SRRM2: variants seen among roughly 807,000 people sequenced by gnomAD.
The protein encoded by SRRM2 is serine/arginine repetitive matrix 2.
Under a neutral mutation model 213.8 loss-of-function variants are expected in SRRM2, and 30 were observed. That is an observed-to-expected ratio of 0.14 (90% confidence interval 0.10 to 0.19). SRRM2 has a LOEUF of 0.19. SRRM2 is among the 10% of genes least tolerant of loss of function. The pLI, the probability that SRRM2 is intolerant of heterozygous loss-of-function variation, is 1.00. For missense variants in SRRM2, 4,904 were observed against 3,647.0 expected, an observed-to-expected ratio of 1.34 and a Z score of -8.88; for synonymous variants, 2,025 against 1,377.7, an observed-to-expected ratio of 1.47 and a Z score of -10.40.
Position 2,761,705 on chromosome 16 carries a change from C to A in SRRM2, c.1177C>A (p.Pro393Thr). The A allele has an allele frequency of 6.2e-7, 1 of 1,605,288 alleles. No homozygotes were observed. Reference protein sequence around the residue: ...TTPLSQEPVNPPSEASPTRDR... With the variant: ...TTPLSQEPVNTPSEASPTRDR... ...CCCCTTAAGCCAGGAGCCAGTGAAC[C>A]CCCCATCTGAGGCCTCTCCAACTCG... is the stretch of plus-strand genomic sequence containing the variant. Residue 393 changes from proline (P) to threonine (T), a missense_variant, in exon 11 of 15, where the codon CCC becomes ACC. Physicochemically the swap from Pro to Thr is conservative, Grantham distance 38. Transcript: ENST00000301740.
In SRRM2 at chr16:2,770,344, T is replaced by C. The variant is rs745581337; in HGVS notation, c.8022-8T>C. 6.3e-6 allele frequency: 10 copies of C among 1,577,664 alleles called. No homozygotes were observed. Among genetic ancestry groups the C allele is most frequent in the South Asian group, 1.2e-5 (1 of 86,150 alleles). On this transcript the variant is annotated splice_region_variant and splice_polypyrimidine_tract_variant and intron_variant, in intron 12 of 14. Transcript: ENST00000301740. ...TGTGGTGCTATTGGGTCCTACTGTGTTCCCCAGGTCCCGCAGCCCCCGGAA... is the reference window on the plus strand; with the variant it reads ...TGTGGTGCTATTGGGTCCTACTGTGCTCCCCAGGTCCCGCAGCCCCCGGAA...
chr16:2,766,175 A>G lies in SRRM2; in HGVS notation c.5647A>G (p.Ile1883Val), dbSNP rs1254901080. 2 of 1,614,128 alleles carry G rather than the reference A, an allele frequency of 1.2e-6. No individual in the cohort carries two copies. The highest frequency in any genetic ancestry group is 1.7e-6 in the Non-Finnish European group (2 of 1,180,024). ...HRRSRSRTPL[I>V]SRRRSRSRTS... ...GCGATCCAGGTCCAGAACCCCCCTG[A>G]TAAGCCGACGTAGGTCCAGATCTCG... Residue 1883 changes from isoleucine to valine, a missense_variant, in exon 11 of 15, where the codon ATA (isoleucine) becomes GTA (valine). Ile to Val is a conservative substitution (Grantham distance 29). Transcript: ENST00000301740. The surrounding 1 kb of genome is among the most constrained non-coding windows in gnomAD (Gnocchi z 7.0).
At chr16:2,756,703 C>T (rs1329848147) in intron 2 of SRRM2, 97 bp downstream of exon 2, 1 of 1,488,574 alleles carries the variant, frequency 6.7e-7, no homozygotes, top group East Asian at 2.3e-5. Flanking sequence ...TGAAAGAGGC[C>T]TGGCAAAGAG....
chr16:2,768,914 C>G (rs769414446), intron 11 of SRRM2, 83 bp from the exon 12 acceptor site: 4 of 1,584,630 alleles, frequency 2.5e-6, no homozygotes, highest in African/African-American at 2.7e-5. Flanking sequence ...ACCCCTCCCC[C>G]CACTGCCGTT....
In SRRM2 at chr16:2,765,554, C is replaced by A; in HGVS notation, c.5026C>A (p.Pro1676Thr). Residue 1676 changes from proline to threonine, a missense_variant, in exon 11 of 15, where the codon CCA becomes ACA. By Grantham distance (38) the Pro-to-Thr change is conservative. Coordinates refer to ENST00000301740, the MANE Select transcript of SRRM2 (RefSeq NM_016333.4). ...TGCTCGCAGAGGTTCCAGGTCATCA[C>A]CAGAGCCCAAGACCAAGTCTCGTAC... ...RTARRGSRSS[P>T]EPKTKSRTPP... 1 of 1,614,230 alleles carries A rather than the reference C, an allele frequency of 6.2e-7. No homozygotes were observed. Among genetic ancestry groups the A allele is most frequent in the Non-Finnish European group, 8.5e-7 (1 of 1,180,036 alleles).
rs1258149760 is a variant in SRRM2 at position 2,761,656 on chromosome 16, C to A, written c.1128C>A (p.Gly376=). Residue 376 remains glycine, a synonymous_variant, in exon 11 of 15, where the codon GGC becomes GGA. Coordinates refer to ENST00000301740, the MANE Select transcript of SRRM2 (RefSeq NM_016333.4). ...CGCTCCTTGCTGAGCGACATGGCGG[C>A]TCCCCACAACCCCTTGCAACCACCC... ...PTPLLAERHG[G]SPQPLATTPL... 1.9e-6 allele frequency: 3 copies of A among 1,587,208 alleles called. No homozygotes were observed. The highest frequency in any genetic ancestry group is 2.3e-5 in the South Asian group (2 of 86,622).
In SRRM2 at chr16:2,764,380, T is replaced by C. The variant is rs555656738; in HGVS notation, c.3852T>C (p.Leu1284=). 6 of 1,614,120 alleles carry C rather than the reference T, an allele frequency of 3.7e-6. No homozygotes were observed. The Admixed American group carries it at 1.0e-4, about 27-fold the overall frequency. ...AAAGGCCTGCTGTGTCTTTGACTCT[T>C]GATCAGAGCCAGTCACAGGCTTCTT... is the stretch of plus-strand genomic sequence containing the variant. The part of the protein sequence containing the change: ...VEERPAVSLT[L]DQSQSQASLE... Residue 1284 remains leucine, a synonymous_variant, in exon 11 of 15, where the codon CTT becomes CTC. Coordinates refer to ENST00000301740, the MANE Select transcript of SRRM2 (RefSeq NM_016333.4).
chr16:2,757,728 A>G, intron 3 of SRRM2, 53 bp from the exon 4 acceptor site: 2 of 1,602,282 alleles, frequency 1.2e-6, no homozygotes, highest in East Asian at 2.2e-5. Context: ...TGTGTTCTGA[A>G]TATGGCTCTG....
chr16:2,765,933 A>G lies in SRRM2; in HGVS notation c.5405A>G (p.Gln1802Arg), dbSNP rs1310818961. Residue 1802 changes from glutamine (Q) to arginine (R), a missense_variant, in exon 11 of 15, where the codon CAG (glutamine) becomes CGG (arginine). Gln to Arg is a conservative substitution (Grantham distance 43). Transcript: ENST00000301740. ...TCTCAGTCAACCTCTCGGCGAAGAC[A>G]GCGGAGCCGGTCAAGGTCGCGGGTT... ...GSSQSTSRRRQRSRSRSRVTR... is the reference protein window; with the variant it reads ...GSSQSTSRRRRRSRSRSRVTR... 1 of 1,614,080 alleles carries G rather than the reference A, an allele frequency of 6.2e-7. No individual in the cohort carries two copies. The highest frequency in any genetic ancestry group is 8.5e-7 in the Non-Finnish European group (1 of 1,180,032).
In SRRM2 at chr16:2,752,761, C is replaced by T. The variant is rs1488587527; in HGVS notation, c.-117C>T. ...CGGGCGGACCGGCGAGGCGAGGCGG[C>T]GGCCCCAGGCCCGAGGGACTCGGGA... On this transcript the variant is annotated 5_prime_UTR_variant, in exon 1 of 15. Transcript: ENST00000301740. 1.1e-5 allele frequency: 4 copies of T among 360,784 alleles called. No individual in the cohort carries two copies. The highest frequency in any genetic ancestry group is 3.7e-5 in the South Asian group (2 of 53,968). The allele number at this position is 360,784 out of a possible 1,614,324, so 22.3% of individuals were successfully genotyped here. A position where few individuals can be genotyped will look rare whatever the true frequency, so the allele number is the denominator to read the frequency against.
chr16:2,768,877 G>T (rs554623133), intron 11 of SRRM2, 120 bp from the exon 12 acceptor site: 8 of 1,546,336 alleles, frequency 5.2e-6, no homozygotes, highest in Non-Finnish European at 7.0e-6. Context: ...CACGTGGCTC[G>T]GAGAGCTCCC....
At position 2,766,826 on chromosome 16, in the gene SRRM2, T is replaced by A; in HGVS notation, c.6298T>A (p.Ser2100Thr). 1.2e-6 allele frequency: 2 copies of A among 1,614,126 alleles called. No individual in the cohort carries two copies. Among genetic ancestry groups the A allele is most frequent in the Non-Finnish European group, 1.7e-6 (2 of 1,180,020 alleles). Residue 2100 changes from serine to threonine, a missense_variant, in exon 11 of 15, where the codon TCT becomes ACT. Coordinates refer to ENST00000301740, the MANE Select transcript of SRRM2 (RefSeq NM_016333.4). The surrounding 1 kb of genome is among the most constrained non-coding windows in gnomAD (Gnocchi z 7.0). ...SATPPATRNH[S>T]GSRTPPVALN... ...TACTCCTCCAGCAACAAGAAATCAT[T>A]CTGGTTCACGGACACCTCCAGTAGC...
In SRRM2 at chr16:2,758,552, G is replaced by A; in HGVS notation, c.593+5G>A. 6.2e-7 allele frequency: 1 copy of A among 1,613,688 alleles called. No homozygotes were observed. The highest frequency in any genetic ancestry group is 8.5e-7 in the Non-Finnish European group (1 of 1,179,616). The stretch of plus-strand genomic sequence containing the variant: ...AAAGAAGAAAGATAGAGGACGGTAA[G>A]TTAGTTGGAAAGTGACTCTGATAGC... On this transcript the variant is annotated splice_donor_5th_base_variant and intron_variant, in intron 5 of 14. Transcript: ENST00000301740.
chr16:2,763,126 G>T lies in SRRM2; in HGVS notation c.2598G>T (p.Thr866=). ...CCCAGGCCAATGAGCAATCTGTAAC[G>T]CCACAGAGACGGAGCTGTTTTGAAT... ...TSPQANEQSV[T]PQRRSCFESS... is the part of the protein sequence containing the mutation. Residue 866 remains threonine, a synonymous_variant, in exon 11 of 15, where the codon ACG becomes ACT. Transcript: ENST00000301740. The T allele has an allele frequency of 6.2e-7, 1 of 1,614,068 alleles. No homozygotes were observed. Among genetic ancestry groups the T allele is most frequent in the Non-Finnish European group, 8.5e-7 (1 of 1,180,026 alleles).
At chr16:2,760,560 G>A (rs974690878) in intron 10 of SRRM2, 61 bp downstream of exon 10, 1 of 1,578,478 alleles carries the variant, frequency 6.3e-7, no homozygotes, top group Non-Finnish European at 8.7e-7. Flanking sequence ...GGATAGACAT[G>A]TGATGTGAAA....
Position 2,767,969 on chromosome 16 carries a change from G to C in SRRM2, c.7441G>C (p.Ala2481Pro). ...GSQSLSSGAV[A>P]TTTSSAGDHN... ...TCAGTCCCTTTCCTCTGGGGCAGTG[G>C]CAACGACCACGTCCTCTGCTGGTGA... Residue 2481 changes from alanine (A) to proline (P), a missense_variant, in exon 11 of 15, where the codon GCA (alanine) becomes CCA (proline). Ala to Pro is a conservative substitution (Grantham distance 27). Coordinates refer to ENST00000301740, the MANE Select transcript of SRRM2 (RefSeq NM_016333.4). The C allele has an allele frequency of 6.2e-7, 1 of 1,614,146 alleles. No homozygotes were observed. Among genetic ancestry groups the C allele is most frequent in the Non-Finnish European group, 8.5e-7 (1 of 1,180,032 alleles).
At position 2,758,598 on chromosome 16, in the gene SRRM2, G is replaced by A. The variant is rs1479891615; in HGVS notation, c.593+51G>A. The A allele has an allele frequency of 2.6e-6, 4 of 1,539,556 alleles. No individual in the cohort carries two copies. The South Asian group carries it at 4.5e-5, about 17-fold the overall frequency. ...ATAGCCAGAGGACCAATCCTGTGGT[G>A]TACCTTTCTCTCTGGAAGTGGACAG... is the stretch of plus-strand genomic sequence containing the variant. On this transcript the variant is annotated intron_variant, in intron 5 of 14. Coordinates refer to ENST00000301740, the MANE Select transcript of SRRM2 (RefSeq NM_016333.4).
chr16:2,760,011 G>C, intron 9 of SRRM2: 1 of 552,216 alleles, frequency 1.8e-6, no homozygotes, highest in Non-Finnish European at 3.2e-6. Flanking sequence ...GCTCAGAGGT[G>C]AGTTGTGAAT....
At position 2,770,678 on chromosome 16, in the gene SRRM2, A is replaced by T. The variant is rs1231437030; in HGVS notation, c.8210A>T (p.Glu2737Val). Reference sequence around the variant, plus strand: ...TCCCCCAGCCACAAGCGCAGGAGGGAGACACCTAGCCCTCGGCCCATGAGA... The same window carrying T: ...TCCCCCAGCCACAAGCGCAGGAGGGTGACACCTAGCCCTCGGCCCATGAGA... ...SRSPSHKRRR[E>V]TPSPRPMRHR... The change falls in exon 14 of 15, where the codon GAG becomes GTG. Residue 2737 changes from glutamate (E) to valine (V), a missense_variant. By Grantham distance (121) the Glu-to-Val change is moderately radical (BLOSUM62 -2). Transcript: ENST00000301740. The T allele has an allele frequency of 2.6e-6, 4 of 1,556,016 alleles. No homozygotes were observed. In the Admixed American group the frequency reaches 7.8e-5, roughly 30 times the overall value.
Sources: gnomAD v4.1 joint callset for allele counts on GRCh38, gnomAD v4.1.1 for gene constraint, Gnocchi (gnomAD v3.1) non-coding constraint, MANE v1.5 for transcripts, NCBI Gene and HGNC (gene_info 2026-07-23, HGNC 2026-07-21) for gene names.